MIA3: variants seen among roughly 807,000 people sequenced by gnomAD.
The protein encoded by MIA3 is transport and Golgi organization protein 1 homolog.
In MIA3, 90 loss-of-function variants were observed where a neutral mutation model predicts 192.4. The ratio of observed to expected loss-of-function variants is 0.47; its 90% confidence interval spans 0.39 to 0.56. The LOEUF is 0.56. Among genes scored for constraint, MIA3 ranks in the 20% least tolerant of loss-of-function variants. MIA3 has a pLI of 0.00. For synonymous variants in MIA3, 740 were observed against 792.8 expected (o/e 0.93, Z 1.12); for missense variants, 2,123 against 2,269.4 (o/e 0.94, Z 1.31).
chr1:222,622,982 G>C (rs1370465562), intron 2 of MIA3, among the ~76,000 whole-genome samples: 2 of 152,156 alleles, frequency 1.3e-5, no homozygotes, highest in Non-Finnish European at 2.9e-5. Context: ...TTGCTTTACT[G>C]CTTTGTATGG....
At chr1:222,622,385 G>A (rs551251986) in intron 2 of MIA3, among the ~76,000 whole-genome samples, 5 of 152,270 alleles carry the variant, frequency 3.3e-5, no homozygotes, top group Non-Finnish European at 5.9e-5. Flanking sequence ...AAGGGTCCTC[G>A]ATATCTTTAG....
chr1:222,629,767 T>C lies in MIA3; in HGVS notation c.2547T>C (p.Asp849=). 4 of 1,614,114 alleles carry C rather than the reference T, an allele frequency of 2.5e-6. No homozygotes were observed. The highest frequency in any genetic ancestry group is 3.4e-6 in the Non-Finnish European group (4 of 1,180,024). Residue 849 remains aspartate, a synonymous_variant, in exon 4 of 28, where the codon GAT becomes GAC. Transcript: ENST00000344922. ...PELGEVFQNK[D]SDYLKNDNPE... is the part of the protein sequence containing the mutation. ...TAGGTGAAGTGTTTCAGAATAAAGA[T>C]TCTGATTATCTGAAGAACGACAACC...
chr1:222,639,837 ACT>A (rs1662776689), intron 6 of MIA3, among the ~76,000 whole-genome samples: 1 of 152,150 alleles, frequency 6.6e-6, no homozygotes, highest in Non-Finnish European at 1.5e-5. Context: ...AAGAATGTCT[ACT>A]CTCATTACAT....
In MIA3 at chr1:222,644,676, A is replaced by C. The variant is rs1402550390; in HGVS notation, c.3478-878A>C. ...GAGTGGGTGCACTGATTGTCTGTGC[A>C]AAGGAGAAATGGAGTGTGTCAGATC... is the stretch of plus-strand genomic sequence containing the variant. On this transcript the variant is annotated intron_variant, in intron 6 of 27. Coordinates refer to ENST00000344922, the MANE Select transcript of MIA3 (RefSeq NM_198551.4). 2.9e-6 allele frequency: 4 copies of C among 1,391,486 alleles called. No individual in the cohort carries two copies. The Admixed American group carries it at 7.9e-5, about 28-fold the overall frequency. 86.2% of individuals were successfully genotyped at this position (1,391,486 alleles called of 1,614,324 possible). A position where few individuals can be genotyped will look rare whatever the true frequency, so the allele number is the denominator to read the frequency against.
intron 7 of MIA3, among the ~76,000 whole-genome samples, 187 bp from the exon 8 acceptor site, chr1:222,648,642 T>C (rs536471483): frequency 1.3e-5 from 2 of 152,206 alleles, no homozygotes; most frequent in South Asian, 2.1e-4. Context: ...CCACAACATA[T>C]CACTACTGGT....
At chr1:222,636,506 C>CTTTTTTTTTTTT (rs34208115) in intron 6 of MIA3, among the ~76,000 whole-genome samples, 1 of 74,038 alleles carries the variant, frequency 1.4e-5, no homozygotes, top group East Asian at 4.3e-4. Context: ...TAGTGTCCAT[C>CTTTTTTTTTTTT]TTTTTTTTTT....
chr1:222,638,439 C>T (rs1662722011), intron 6 of MIA3, among the ~76,000 whole-genome samples: 1 of 152,036 alleles, frequency 6.6e-6, no homozygotes, highest in Non-Finnish European at 1.5e-5. Flanking sequence ...CAGTGGCATC[C>T]CAGCACTTTG....
chr1:222,661,752 C>T (rs987600701), intron 24 of MIA3, among the ~76,000 whole-genome samples: 4 of 152,062 alleles, frequency 2.6e-5, no homozygotes, highest in Non-Finnish European at 4.4e-5. Context: ...CAGTAAGATA[C>T]GGAAGTCAGA....
intron 1 of MIA3, among the ~76,000 whole-genome samples, chr1:222,618,664 C>G (rs1048457307): frequency 6.6e-6 from 1 of 152,038 alleles, no homozygotes; most frequent in Admixed American, 6.5e-5. Flanking sequence ...CACGCCGCAA[C>G]CAAAGCTTTC....
At position 222,629,105 on chromosome 1, in the gene MIA3, C is replaced by T; in HGVS notation, c.1885C>T (p.Gln629Ter). The change falls in exon 4 of 28, where the codon CAA becomes TAA. Residue 629 changes from glutamine (Q) to a stop codon, truncating the protein, a stop_gained. Transcript: ENST00000344922. LOFTEE classifies it high-confidence loss of function. ...KEELVLKTQN[Q>*]PRFSSPDEID... ...GGAATTAGTTCTTAAAACTCAAAACCAACCTAGATTCTCCTCTCCAGATGA... is the reference window on the plus strand; with the variant it reads ...GGAATTAGTTCTTAAAACTCAAAACTAACCTAGATTCTCCTCTCCAGATGA... The T allele has an allele frequency of 6.2e-7, 1 of 1,614,200 alleles. No homozygotes were observed. Among genetic ancestry groups the T allele is most frequent in the Non-Finnish European group, 8.5e-7 (1 of 1,180,024 alleles).
In MIA3 at chr1:222,629,222, A is replaced by G. The variant is rs766993997; in HGVS notation, c.2002A>G (p.Ser668Gly). 1.2e-6 allele frequency: 2 copies of G among 1,614,250 alleles called. No homozygotes were observed. Among genetic ancestry groups the G allele is most frequent in the Non-Finnish European group, 8.5e-7 (1 of 1,180,044 alleles). The change falls in exon 4 of 28, where the codon AGT (serine) becomes GGT (glycine). Residue 668 changes from serine (S) to glycine (G), a missense_variant. Ser to Gly is a moderately conservative substitution (Grantham distance 56). This residue lies in a region of MIA3 where 1,357 missense variants were observed against 1,396.1 expected (regional missense o/e 0.97). Transcript: ENST00000344922. ...QQERDVAATA[S>G]KQMSEKIRLS... The stretch of plus-strand genomic sequence containing the variant: ...AGAAAGAGATGTGGCTGCCACAGCC[A>G]GTAAGCAAATGAGTGAGAAGATAAG...
At chr1:222,655,791 C>T (rs1222688768) in intron 18 of MIA3, among the ~76,000 whole-genome samples, 2 of 152,044 alleles carry the variant, frequency 1.3e-5, no homozygotes, top group Non-Finnish European at 2.9e-5. Context: ...CTTCGTGATA[C>T]AGTTAACCCA....
chr1:222,667,948 C>G lies in MIA3; in HGVS notation c.*2329C>G, dbSNP rs1395650429. On this transcript the variant is annotated 3_prime_UTR_variant, in exon 28 of 28. Coordinates refer to ENST00000344922, the MANE Select transcript of MIA3 (RefSeq NM_198551.4). ...GATGTGGTATATTCTGTGTCAACTT[C>G]AAGATAATCACTCATTTTCTCGTTA... 1 of 152,112 alleles carries G rather than the reference C, an allele frequency of 6.6e-6. No individual in the cohort carries two copies. Among genetic ancestry groups the G allele is most frequent in the Non-Finnish European group, 1.5e-5 (1 of 68,020 alleles). The allele number at this position is 152,112 out of a possible 1,614,324, so 9.4% of individuals were successfully genotyped here. A position where few individuals can be genotyped will look rare whatever the true frequency, so the allele number is the denominator to read the frequency against.
rs1441520945 is a variant in MIA3 at position 222,654,934 on chromosome 1, CTTTG to C, written c.4607+145_4607+148del. On this transcript the variant is annotated intron_variant, in intron 18 of 27. Transcript: ENST00000344922. ...ATAAATTTGTCTTTCTTTCTTTCTG[CTTTG>C]TTTCTCATAAGCTGCATTTTTCTTT... The C allele has an allele frequency of 5.1e-5, 41 of 804,308 alleles. No homozygotes were observed. The Middle Eastern group carries it at 2.9e-3, about 57-fold the overall frequency. 49.8% of individuals were successfully genotyped at this position (804,308 alleles called of 1,614,324 possible).
At chr1:222,643,579 A>G (rs528679728) in intron 6 of MIA3, among the ~76,000 whole-genome samples, 2 of 152,144 alleles carry the variant, frequency 1.3e-5, no homozygotes, top group East Asian at 1.9e-4. Context: ...TTTTTTCCCC[A>G]CAGATTAAAT....
chr1:222,621,381 C>A, intron 2 of MIA3, 89 bp downstream of exon 2: 1 of 1,305,858 alleles, frequency 7.7e-7, no homozygotes, highest in Non-Finnish European at 1.1e-6. Flanking sequence ...TTCTTGGGAC[C>A]TTTGATGGAG....
chr1:222,654,602 G>A, intron 17 of MIA3, 53 bp from the exon 18 acceptor site: 1 of 1,596,346 alleles, frequency 6.3e-7, no homozygotes, highest in Non-Finnish European at 8.6e-7. Flanking sequence ...CCCCAACCAA[G>A]TTCTCAAGTT....
chr1:222,642,693 C>T (rs1662917752), intron 6 of MIA3, among the ~76,000 whole-genome samples: 1 of 152,170 alleles, frequency 6.6e-6, no homozygotes, highest in African/African-American at 2.4e-5. Flanking sequence ...TGCCTGCTTC[C>T]TCCACATTCT....
At chr1:222,634,342 G>A (rs1662539580) in intron 6 of MIA3, among the ~76,000 whole-genome samples, 1 of 151,992 alleles carries the variant, frequency 6.6e-6, no homozygotes, top group African/African-American at 2.4e-5. Flanking sequence ...AAATAAAAAA[G>A]TATGGAGTTA....
Sources: gnomAD v4.1 joint callset for allele counts (sites outside exome capture counted in the v4.1 genomes callset) on GRCh38, gnomAD v4.1.1 for gene constraint, gnomAD v4.1.1 regional missense constraint, MANE v1.5 for transcripts, NCBI Gene and HGNC (gene_info 2026-07-23, HGNC 2026-07-21) for gene names.